The following KLHL32 variants were observed in gnomAD, a reference collection of about 807,000 sequenced individuals.
KLHL32 encodes the protein kelch-like protein 32.
Under a neutral mutation model 64.8 loss-of-function variants are expected in KLHL32, and 35 were observed. The ratio of observed to expected loss-of-function variants is 0.54; its 90% confidence interval spans 0.41 to 0.72. KLHL32 has a LOEUF of 0.72. Among genes scored for constraint, KLHL32 ranks in the 30% least tolerant of loss-of-function variants. The pLI, the probability that KLHL32 is intolerant of heterozygous loss-of-function variation, is 0.00. For synonymous variants in KLHL32, 259 were observed against 281.0 expected, an observed-to-expected ratio of 0.92 and a Z score of 0.78; for missense variants, 589 against 768.5, an observed-to-expected ratio of 0.77 and a Z score of 2.76.
chr6:97,041,689 G>T, intron 4 of KLHL32, 90 bp downstream of exon 4: 1 of 716,420 alleles, frequency 1.4e-6, no homozygotes, highest in Non-Finnish European at 2.4e-6. Context: ...TTTAGTTATT[G>T]TTCTTGTTAC....
At chr6:96,919,188 C>T in the KLHL32 span, among the ~76,000 whole-genome samples, 7 of 152,208 alleles carry the variant, frequency 4.6e-5, no homozygotes, top group Non-Finnish European at 1.0e-4. Context: ...CCCAGTCCCT[C>T]AATTCTATGA....
intron 3 of KLHL32, among the ~76,000 whole-genome samples, chr6:97,018,550 G>C (rs569183188): frequency 1.3e-5 from 2 of 148,642 alleles, no homozygotes; most frequent in African/African-American, 2.5e-5. Context: ...GCAGCGAGCC[G>C]AGATCACACC....
intron 6 of KLHL32, among the ~76,000 whole-genome samples, chr6:97,109,978 CT>C (rs1796906308): frequency 6.6e-6 from 1 of 152,162 alleles, no homozygotes; most frequent in African/African-American, 2.4e-5. Flanking sequence ...TCCCTGAGAA[CT>C]TTTAAAAACA....
At chr6:96,921,252 A>T (rs850580), upstream of KLHL32, among the ~76,000 whole-genome samples, 109,007 of 152,168 alleles carry the variant, frequency 0.72, 39,227 homozygotes, top group South Asian at 0.78. Context: ...CCATCATGTG[A>T]CTAGTTGATT....
At position 97,139,142 on chromosome 6, in the gene KLHL32, G is replaced by A. The variant is rs1800403003; in HGVS notation, c.1723G>A (p.Gly575Ser). Residue 575 changes from glycine (G) to serine (S), a missense_variant, in exon 11 of 11, where the codon GGC becomes AGC. Around this residue, in one of 3 missense-constraint regions of KLHL32, gnomAD observed 172 missense variants for 192.0 expected, o/e 0.90. Coordinates refer to ENST00000369261, the MANE Select transcript of KLHL32 (RefSeq NM_052904.4). ...GTAGGTACTGGATGTAAGCAGAGAA[G>A]GCAAAGAAGAAGTATTCTATGGGCC... ...CIQVLDVSRE[G>S]KEEVFYGPTL... is the part of the protein sequence containing the mutation. 6.2e-7 allele frequency: 1 copy of A among 1,613,636 alleles called. No homozygotes were observed. Among genetic ancestry groups the A allele is most frequent in the African/African-American group, 1.3e-5 (1 of 74,862 alleles).
chr6:97,084,998 A>G, intron 5 of KLHL32, 128 bp from the exon 6 acceptor site: 2 of 655,880 alleles, frequency 3.0e-6, no homozygotes, highest in South Asian at 4.0e-5. Context: ...TTTTTTTTTT[A>G]TACTAGCCCT....
intron 10 of KLHL32, among the ~76,000 whole-genome samples, chr6:97,138,569 A>G (rs1488188399): frequency 6.6e-6 from 1 of 152,010 alleles, no homozygotes; most frequent in Non-Finnish European, 1.5e-5. Flanking sequence ...AAAACCCCAA[A>G]AACAAACAAA....
At chr6:97,098,325 G>A (rs185108345) in intron 6 of KLHL32, among the ~76,000 whole-genome samples, 12 of 152,284 alleles carry the variant, frequency 7.9e-5, no homozygotes, top group Admixed American at 7.2e-4. Flanking sequence ...TTAGGCACCT[G>A]AGAGCTAGAA....
intron 3 of KLHL32, among the ~76,000 whole-genome samples, chr6:97,001,045 T>C (rs1778963365): frequency 6.6e-6 from 1 of 152,212 alleles, no homozygotes; most frequent in Non-Finnish European, 1.5e-5. Flanking sequence ...GGATAATAGA[T>C]GGAGCACAGG....
intron 1 of KLHL32, among the ~76,000 whole-genome samples, chr6:96,928,070 G>A (rs1448523223): frequency 6.6e-6 from 1 of 152,134 alleles, no homozygotes; most frequent in Non-Finnish European, 1.5e-5. Context: ...CCTAATGCAG[G>A]TTATAGACAT....
At chr6:97,090,599 A>G (rs1290314495) in intron 6 of KLHL32, among the ~76,000 whole-genome samples, 1 of 152,264 alleles carries the variant, frequency 6.6e-6, no homozygotes, top group African/African-American at 2.4e-5. Context: ...TTATCCTTCG[A>G]TGATAAATTG....
intron 5 of KLHL32, among the ~76,000 whole-genome samples, chr6:97,080,401 CTTT>C (rs1311393819): frequency 1.2e-4 from 19 of 152,142 alleles, no homozygotes; most frequent in Non-Finnish European, 2.5e-4. Context: ...CATGGGTATT[CTTT>C]CATTAAACAC....
intron 1 of KLHL32, among the ~76,000 whole-genome samples, chr6:96,948,371 G>C (rs910957887): frequency 6.6e-6 from 1 of 151,974 alleles, no homozygotes; most frequent in Non-Finnish European, 1.5e-5. Flanking sequence ...CATTTCTCCA[G>C]AGAGACCAAA....
At position 96,963,505 on chromosome 6, in the gene KLHL32, C is replaced by T. The variant is rs80073866; in HGVS notation, c.-65-3491C>T. Reference sequence around the variant, plus strand: ...ACGGTACCCTGTGTTTAGAGCTACTCCTGCATCTGCTGGTTCTCAATGGCT... The same window carrying T: ...ACGGTACCCTGTGTTTAGAGCTACTTCTGCATCTGCTGGTTCTCAATGGCT... On this transcript the variant is annotated intron_variant, in intron 1 of 10. Coordinates refer to ENST00000369261, the MANE Select transcript of KLHL32 (RefSeq NM_052904.4). Among the ~76,000 whole-genome samples, 8 of 152,296 alleles carry T rather than the reference C, an allele frequency of 5.3e-5. No individual in the cohort carries two copies. In the East Asian group the frequency reaches 1.5e-3, roughly 29 times the overall value.
chr6:96,984,218 A>G (rs1214728311), intron 3 of KLHL32, among the ~76,000 whole-genome samples: 1 of 152,158 alleles, frequency 6.6e-6, no homozygotes, highest in African/African-American at 2.4e-5. Flanking sequence ...CCTGAGTTCT[A>G]GTTTGATTGC....
the KLHL32 span, among the ~76,000 whole-genome samples, chr6:96,902,435 T>G: frequency 6.6e-6 from 1 of 152,222 alleles, no homozygotes; most frequent in Non-Finnish European, 1.5e-5. Flanking sequence ...TGCATACTTT[T>G]TAATTGGATT....
chr6:97,039,089 CAAAAA>C (rs535614966), intron 3 of KLHL32, among the ~76,000 whole-genome samples: 1 of 75,076 alleles, frequency 1.3e-5, no homozygotes, highest in Non-Finnish European at 2.8e-5. Flanking sequence ...GACTCTGTCT[CAAAAA>C]AAAAAAAAAA....
At chr6:97,007,169 C>A (rs560039563) in intron 3 of KLHL32, among the ~76,000 whole-genome samples, 1 of 151,994 alleles carries the variant, frequency 6.6e-6, no homozygotes, top group East Asian at 1.9e-4. Context: ...TCCCATATTT[C>A]TTGGAGGTTT....
intron 1 of KLHL32, among the ~76,000 whole-genome samples, chr6:96,953,735 C>T (rs905427836): frequency 1.3e-5 from 2 of 151,978 alleles, no homozygotes; most frequent in Admixed American, 1.3e-4. Context: ...TACACTGATA[C>T]TTTGGTTGGA....
Sources: gnomAD v4.1 joint callset for allele counts (sites outside exome capture counted in the v4.1 genomes callset) on GRCh38, gnomAD v4.1.1 for gene constraint, gnomAD v4.1.1 regional missense constraint, MANE v1.5 for transcripts, NCBI Gene and HGNC (gene_info 2026-07-23, HGNC 2026-07-21) for gene names.